The following AIRE variants were observed in gnomAD, a reference collection of about 807,000 sequenced individuals.
AIRE encodes the protein autoimmune regulator.
AIRE carries 52 observed loss-of-function variants against 62.1 expected under a neutral mutation model. The observed-to-expected ratio is 0.84, with a 90% CI of 0.67 to 1.06. AIRE has a LOEUF of 1.06. Among genes scored for constraint, AIRE ranks in the 50% least tolerant of loss-of-function variants. The pLI is 0.00. For synonymous variants in AIRE, 342 were observed against 321.6 expected (o/e 1.06, Z -0.68); for missense variants, 774 against 755.8 (o/e 1.02, Z -0.28).
chr21:44,289,794 G>A lies in AIRE; in HGVS notation c.790G>A (p.Ala264Thr), dbSNP rs746154390. The A allele has an allele frequency of 1.1e-5, 18 of 1,612,470 alleles. No individual in the cohort carries two copies. The highest frequency in any genetic ancestry group is 6.6e-5 in the South Asian group (6 of 91,086). ...GGTTCGAGCCAAGGGAGCCCAGGGC[G>A]CTGCCCCCGTAAGCACCTGACCTTC... is the stretch of plus-strand genomic sequence containing the variant. ...PLVRAKGAQG[A>T]APGGGEARLG... Residue 264 changes from alanine (A) to threonine (T), a missense_variant, in exon 6 of 14, where the codon GCT becomes ACT. Ala to Thr is a moderately conservative substitution (Grantham distance 58). Around this residue, in one of 3 missense-constraint regions of AIRE, gnomAD observed 385 missense variants for 396.0 expected, o/e 0.97. Coordinates refer to ENST00000291582, the MANE Select transcript of AIRE (RefSeq NM_000383.4).
chr21:44,292,193 C>T (rs1205557379), intron 8 of AIRE, 109 bp from the exon 9 acceptor site: 5 of 867,530 alleles, frequency 5.8e-6, no homozygotes, highest in Non-Finnish European at 9.5e-6. Context: ...CCTCGGTTCC[C>T]CCTCTGTGAA....
chr21:44,290,329 T>C, intron 7 of AIRE: 1 of 985,462 alleles, frequency 1.0e-6, no homozygotes, highest in Non-Finnish European at 1.2e-6. Flanking sequence ...TACCCGCTGC[T>C]CTCAGCTGGG....
At chr21:44,296,255 GAGC>G (rs2040605665) in intron 12 of AIRE, 125 bp from the exon 13 acceptor site, 1 of 901,440 alleles carries the variant, frequency 1.1e-6, no homozygotes, top group Non-Finnish European at 1.9e-6. Context: ...ACCCCCAGTG[GAGC>G]TGGGTGTAAG....
Position 44,290,046 on chromosome 21 carries a change from C to T in AIRE, c.857C>T (p.Pro286Leu), listed in dbSNP as rs768193377. 3 of 1,612,128 alleles carry T rather than the reference C, an allele frequency of 1.9e-6. No homozygotes were observed. The highest frequency in any genetic ancestry group is 1.7e-6 in the Non-Finnish European group (2 of 1,179,738). The change falls in exon 7 of 14, where the codon CCC becomes CTC. Residue 286 changes from proline to leucine, a missense_variant. By Grantham distance (98) the Pro-to-Leu change is moderately conservative. Coordinates refer to ENST00000291582, the MANE Select transcript of AIRE (RefSeq NM_000383.4). Reference sequence around the variant, plus strand: ...AGCGTTCCCGCCCCTCTGGCCCTCCCCAGTGACCCCCAGCTCCACCAGGTA... The same window carrying T: ...AGCGTTCCCGCCCCTCTGGCCCTCCTCAGTGACCCCCAGCTCCACCAGGTA... ...QGSVPAPLAL[P>L]SDPQLHQKNE...
Position 44,287,514 on chromosome 21 carries a change from CAGGCTCTCAACTGA to C in AIRE, c.466_479del (p.Ser156GlnfsTer56), listed in dbSNP as rs1207795578. 1 of 1,552,348 alleles carries C rather than the reference CAGGCTCTCAACTGA, an allele frequency of 6.4e-7. No individual in the cohort carries two copies. Among genetic ancestry groups the C allele is most frequent in the Admixed American group, 1.9e-5 (1 of 51,340 alleles). ...CCAGGCTGCCCCCAGCTCCCCCATT[CAGGCTCTCAACTGA>C]AGGCCAAGCCCCCCAAGAAGCCGGA... is the stretch of plus-strand genomic sequence containing the variant. On this transcript the variant is annotated splice_acceptor_variant and coding_sequence_variant, in exon 4 of 14. Transcript: ENST00000291582. LOFTEE classifies it high-confidence loss of function. This position sits in a 1 kb window ranked among gnomAD's most constrained non-coding sequence, Gnocchi z 4.3.
At chr21:44,289,466 T>C (rs1329049415) in intron 5 of AIRE, 191 bp from the exon 6 acceptor site, 1 of 684,816 alleles carries the variant, frequency 1.5e-6, no homozygotes, top group Non-Finnish European at 2.4e-6. Context: ...CGGGGGACGC[T>C]GTTGAACACC....
intron 8 of AIRE, among the ~76,000 whole-genome samples, 165 bp from the exon 9 acceptor site, chr21:44,292,137 C>A (rs1344950169): frequency 6.6e-6 from 1 of 152,166 alleles, no homozygotes; most frequent in African/African-American, 2.4e-5. Context: ...AAATGTCCCC[C>A]TGCTGGGCTC....
chr21:44,287,380 TGA>T lies in AIRE; in HGVS notation c.464-134_464-133del, dbSNP rs2040493222. 2.3e-5 allele frequency: 17 copies of T among 727,576 alleles called. No homozygotes were observed. Among genetic ancestry groups the T allele is most frequent in the Non-Finnish European group, 3.5e-5 (15 of 428,792 alleles). The allele number at this position is 727,576 out of a possible 1,614,324, so 45.1% of individuals were successfully genotyped here. ...GCGGGTCTCATTTCCCTTTTACTGA[TGA>T]GAAACCAGAGCCCGGCAAAGGGACT... On this transcript the variant is annotated intron_variant, in intron 3 of 13. Transcript: ENST00000291582. This position sits in a 1 kb window ranked among gnomAD's most constrained non-coding sequence, Gnocchi z 4.3.
chr21:44,290,239 C>T (rs1441504712), intron 7 of AIRE, 171 bp downstream of exon 7: 26 of 984,536 alleles, frequency 2.6e-5, no homozygotes, highest in East Asian at 1.1e-4. Flanking sequence ...CCTGATAATA[C>T]GCAATGGTAA....
rs375536220 is a variant in AIRE at position 44,293,091 on chromosome 21, G to A, written c.1194G>A (p.Pro398=). 2.7e-5 allele frequency: 43 copies of A among 1,610,882 alleles called. No homozygotes were observed. Among genetic ancestry groups the A allele is most frequent in the East Asian group, 4.5e-5 (2 of 44,844 alleles). ...CGACTCTTGTCTACAAGCACCTGCC[G>A]GCTCCGCCTTCTGCAGCCCCGCTGC... ...MDTTLVYKHL[P]APPSAAPLPG... Residue 398 remains proline, a synonymous_variant, in exon 10 of 14, where the codon CCG becomes CCA. Transcript: ENST00000291582.
chr21:44,289,660 G>T lies in AIRE; in HGVS notation c.656G>T (p.Gly219Val), dbSNP rs921565634. ...ILIQQVFESG[G>V]SKKCIQVGGE... Reference sequence around the variant, plus strand: ...ACCAGCCGGCATCTCCTCCCAGGCGGCTCCAAGAAGTGCATCCAGGTTGGC... The same window carrying T: ...ACCAGCCGGCATCTCCTCCCAGGCGTCTCCAAGAAGTGCATCCAGGTTGGC... The change falls in exon 6 of 14, where the codon GGC becomes GTC. Residue 219 changes from glycine (G) to valine (V), a missense_variant. By Grantham distance (109) the Gly-to-Val change is moderately radical (BLOSUM62 -3). Coordinates refer to ENST00000291582, the MANE Select transcript of AIRE (RefSeq NM_000383.4). The T allele has an allele frequency of 6.2e-7, 1 of 1,612,770 alleles. No homozygotes were observed. Among genetic ancestry groups the T allele is most frequent in the Non-Finnish European group, 8.5e-7 (1 of 1,179,954 alleles).
chr21:44,287,822 C>T lies in AIRE; in HGVS notation c.538+231C>T, dbSNP rs142507016. ...CCCCCACTGCACCCTGGTTCTGGGA[C>T]CCCCTTCTCAGGCACCTTCTCTGCC... On this transcript the variant is annotated intron_variant, in intron 4 of 13. Transcript: ENST00000291582. The surrounding 1 kb of genome is among the most constrained non-coding windows in gnomAD (Gnocchi z 4.3). 3.3e-5 allele frequency among the ~76,000 whole-genome samples: 5 copies of T among 152,114 alleles called. No individual in the cohort carries two copies. The highest frequency in any genetic ancestry group is 2.1e-4 in the South Asian group (1 of 4,832).
rs2040562100 is a variant in AIRE at position 44,293,191 on chromosome 21, G to A, written c.1278+16G>A. 5 of 1,538,176 alleles carry A rather than the reference G, an allele frequency of 3.3e-6. No individual in the cohort carries two copies. The South Asian group carries it at 6.0e-5, about 18-fold the overall frequency. ...GGGTCAGCAGGTGAGCGGGGAGTGGGGGTCAGGGTGGGCTCTTCAAGGAGC... is the reference window on the plus strand; with the variant it reads ...GGGTCAGCAGGTGAGCGGGGAGTGGAGGTCAGGGTGGGCTCTTCAAGGAGC... On this transcript the variant is annotated intron_variant, in intron 10 of 13. Coordinates refer to ENST00000291582, the MANE Select transcript of AIRE (RefSeq NM_000383.4).
intron 5 of AIRE, 44 bp from the exon 6 acceptor site, chr21:44,289,613 C>G (rs755765711): frequency 6.2e-7 from 1 of 1,611,244 alleles, no homozygotes; most frequent in Non-Finnish European, 8.5e-7. Context: ...CAAGGCAGGT[C>G]CTGCTGGGCG....
intron 5 of AIRE, chr21:44,288,738 C>T (rs750755686): frequency 6.3e-5 from 27 of 430,990 alleles, no homozygotes; most frequent in Admixed American, 1.5e-4. Flanking sequence ...CATGGGCCCT[C>T]CTGGGCCATG....
At chr21:44,294,912 A>G (rs1250660333) in intron 12 of AIRE, among the ~76,000 whole-genome samples, 2 of 151,964 alleles carry the variant, frequency 1.3e-5, no homozygotes, top group East Asian at 3.9e-4. Flanking sequence ...GATCCACCCC[A>G]CTGTGTGGCC....
chr21:44,286,810 G>T lies in AIRE; in HGVS notation c.307+79G>T. 1.3e-6 allele frequency: 2 copies of T among 1,582,936 alleles called. No homozygotes were observed. Among genetic ancestry groups the T allele is most frequent in the Admixed American group, 1.7e-5 (1 of 59,560 alleles). ...TGCTCAGCCCAGCTGGACTGGAACC[G>T]GAGTGGTGTTTGAGGAGCCCGTGGG... On this transcript the variant is annotated intron_variant, in intron 2 of 13. Coordinates refer to ENST00000291582, the MANE Select transcript of AIRE (RefSeq NM_000383.4). This position sits in a 1 kb window ranked among gnomAD's most constrained non-coding sequence, Gnocchi z 6.0.
At chr21:44,294,222 C>T (rs1432078085) in intron 11 of AIRE, 179 bp from the exon 12 acceptor site, 4 of 406,586 alleles carry the variant, frequency 9.8e-6, no homozygotes, top group Non-Finnish European at 1.8e-5. Flanking sequence ...ACACCCTACA[C>T]CCAACCCAAA....
rs1412498821 is a variant in AIRE at position 44,287,934 on chromosome 21, C to A, written c.538+343C>A. Among the ~76,000 whole-genome samples, 1 of 152,178 alleles carries A rather than the reference C, an allele frequency of 6.6e-6. No homozygotes were observed. On this transcript the variant is annotated intron_variant, in intron 4 of 13. Transcript: ENST00000291582. The surrounding 1 kb of genome is among the most constrained non-coding windows in gnomAD (Gnocchi z 4.3). ...GCCCCCAGCTGCATGCAGGCTGAAC[C>A]CTTCCTGTCCCCTTCTCCTTCCTTC... is the stretch of plus-strand genomic sequence containing the variant.
Sources: gnomAD v4.1 joint callset for allele counts (sites outside exome capture counted in the v4.1 genomes callset) on GRCh38, gnomAD v4.1.1 for gene constraint, gnomAD v4.1.1 regional missense constraint, Gnocchi (gnomAD v3.1) non-coding constraint, MANE v1.5 for transcripts, NCBI Gene and HGNC (gene_info 2026-07-23, HGNC 2026-07-21) for gene names.